The following TRIM23 variants were observed in gnomAD, a reference collection of about 807,000 sequenced individuals.
TRIM23 encodes tripartite motif containing 23.
A neutral mutation model predicts 71.0 loss-of-function variants in TRIM23; 27 were observed. The observed-to-expected ratio is 0.38, with a 90% CI of 0.28 to 0.52. TRIM23 has a LOEUF of 0.52. Ranked by LOEUF, TRIM23 falls within the 20% of genes least tolerant of loss-of-function variation. The pLI, the probability that TRIM23 is intolerant of heterozygous loss-of-function variation, is 0.84. For missense variants in TRIM23, 482 were observed against 692.3 expected, an observed-to-expected ratio of 0.70 and a Z score of 3.41; for synonymous variants, 234 against 238.0, an observed-to-expected ratio of 0.98 and a Z score of 0.16.
intron 3 of TRIM23, among the ~76,000 whole-genome samples, chr5:65,612,952 T>C (rs1754690587): frequency 6.6e-6 from 1 of 152,120 alleles, no homozygotes; most frequent in African/African-American, 2.4e-5. Flanking sequence ...AAATTACATG[T>C]CAGATAATCA....
chr5:65,604,329 A>G (rs1754438881), intron 7 of TRIM23, among the ~76,000 whole-genome samples: 1 of 152,100 alleles, frequency 6.6e-6, no homozygotes, highest in African/African-American at 2.4e-5. Context: ...TCCTGAACTC[A>G]GGTGATCCAC....
intron 7 of TRIM23, among the ~76,000 whole-genome samples, chr5:65,599,369 C>T (rs550625138): frequency 1.3e-5 from 2 of 152,228 alleles, no homozygotes; most frequent in South Asian, 2.1e-4. Flanking sequence ...AGAAGTTTCT[C>T]TGAACATGTA....
chr5:65,621,365 A>C (rs1754941176), intron 1 of TRIM23, among the ~76,000 whole-genome samples: 1 of 152,208 alleles, frequency 6.6e-6, no homozygotes, highest in African/African-American at 2.4e-5. Flanking sequence ...AATTCACAAT[A>C]GAATTTGATA....
chr5:65,614,208 C>A lies in TRIM23; in HGVS notation c.256G>T (p.Val86Phe), dbSNP rs1311404775. ...GCAAAATTTTTTTTCAATCCCCAGA[C>A]ACCTGAATCACCTAGAATAAATATA... is the stretch of plus-strand genomic sequence containing the variant. ...RQVTDLGDSG[V>F]WGLKKNFALL... is the part of the protein sequence containing the mutation. Residue 86 changes from valine (V) to phenylalanine (F), a missense_variant, in exon 3 of 11, where the codon GTC becomes TTC. Physicochemically the swap from Val to Phe is conservative, Grantham distance 50. This residue lies in a region of TRIM23 where 175 missense variants were observed against 196.5 expected (regional missense o/e 0.89). Transcript: ENST00000231524. 6.2e-7 allele frequency: 1 copy of A among 1,613,152 alleles called. No individual in the cohort carries two copies. The highest frequency in any genetic ancestry group is 1.7e-5 in the Admixed American group (1 of 59,990).
intron 1 of TRIM23, among the ~76,000 whole-genome samples, chr5:65,622,252 G>A (rs1387540291): frequency 1.6e-4 from 25 of 152,078 alleles, no homozygotes; most frequent in Admixed American, 3.3e-4. Flanking sequence ...TGCAACCTCC[G>A]CCTCCTGGGT....
chr5:65,611,156 G>T, intron 4 of TRIM23, 113 bp from the exon 5 acceptor site: 2 of 941,494 alleles, frequency 2.1e-6, no homozygotes, highest in South Asian at 2.0e-5. Flanking sequence ...TGACTTTTAT[G>T]ACACAGAAAA....
intron 3 of TRIM23, 70 bp downstream of exon 3, chr5:65,614,028 G>A: frequency 6.3e-7 from 1 of 1,581,070 alleles, no homozygotes; most frequent in South Asian, 1.2e-5. Context: ...GTAATATTGT[G>A]CTAATAATGG....
chr5:65,619,340 C>A (rs1021456511), intron 1 of TRIM23, among the ~76,000 whole-genome samples: 1 of 152,202 alleles, frequency 6.6e-6, no homozygotes, highest in African/African-American at 2.4e-5. Context: ...CACTTTAATA[C>A]CTTGGTCTTT....
chr5:65,594,673 AAAT>A, intron 9 of TRIM23, 28 bp from the exon 10 acceptor site: 1 of 1,530,688 alleles, frequency 6.5e-7, no homozygotes, highest in Non-Finnish European at 8.8e-7. Context: ...AAAAAAACAA[AAAT>A]AGTCACTTGC....
chr5:65,593,031 A>C (rs1754088091), intron 10 of TRIM23, among the ~76,000 whole-genome samples: 1 of 151,216 alleles, frequency 6.6e-6, no homozygotes, highest in African/African-American at 2.4e-5. Context: ...TCTGTAGGAT[A>C]ACCTTTGGAT....
At chr5:65,607,860 T>C (rs1168336402) in intron 6 of TRIM23, among the ~76,000 whole-genome samples, 1 of 152,190 alleles carries the variant, frequency 6.6e-6, no homozygotes, top group Non-Finnish European at 1.5e-5. Flanking sequence ...TCTTTCTATC[T>C]AGATGCAAAG....
chr5:65,595,321 G>A (rs1027893974), intron 9 of TRIM23, among the ~76,000 whole-genome samples: 25 of 152,050 alleles, frequency 1.6e-4, no homozygotes, highest in African/African-American at 5.8e-4. Context: ...ACTTTGGGAG[G>A]CCAAGACGGG....
At chr5:65,620,213 T>C (rs1381726205) in intron 1 of TRIM23, among the ~76,000 whole-genome samples, 1 of 152,208 alleles carries the variant, frequency 6.6e-6, no homozygotes. Flanking sequence ...ACATTACTAA[T>C]TGCTATGAAA....
At chr5:65,622,478 G>A (rs1754972347) in intron 1 of TRIM23, among the ~76,000 whole-genome samples, 1 of 152,174 alleles carries the variant, frequency 6.6e-6, no homozygotes, top group Non-Finnish European at 1.5e-5. Context: ...ACCGCGCCTA[G>A]CCACAATATC....
rs965021949 is a variant in TRIM23 at position 65,591,692 on chromosome 5, A to T, written c.*77T>A. 11 of 1,355,818 alleles carry T rather than the reference A, an allele frequency of 8.1e-6. No individual in the cohort carries two copies. In the Admixed American group the frequency reaches 1.2e-4, roughly 15 times the overall value. The allele number at this position is 1,355,818 out of a possible 1,614,324, so 84.0% of individuals were successfully genotyped here. ...GCATCCTAAATTACCATCTTTTGAG[A>T]TGTATAATTTCTTAAAACATACTAT... On this transcript the variant is annotated 3_prime_UTR_variant, in exon 11 of 11. Coordinates refer to ENST00000231524, the MANE Select transcript of TRIM23 (RefSeq NM_001656.4).
Position 65,591,472 on chromosome 5 carries a change from C to G in TRIM23, c.*297G>C. 2 of 1,591,658 alleles carry G rather than the reference C, an allele frequency of 1.3e-6. No homozygotes were observed. The highest frequency in any genetic ancestry group is 1.7e-6 in the Non-Finnish European group (2 of 1,170,716). ...CCCTTTCTCTGTGACTACCTCTTTC[C>G]CAGTATATTGGTCACATATTATCTG... is the stretch of plus-strand genomic sequence containing the variant. On this transcript the variant is annotated 3_prime_UTR_variant, in exon 11 of 11. Transcript: ENST00000231524.
Position 65,590,934 on chromosome 5 carries a change from G to A in TRIM23, c.*835C>T. ...TTTACCTATAGTCATTCCCACAAAG[G>A]ATGCAATATTATATTAGAAAGAAAT... On this transcript the variant is annotated 3_prime_UTR_variant, in exon 11 of 11. Coordinates refer to ENST00000231524, the MANE Select transcript of TRIM23 (RefSeq NM_001656.4). 1.0e-6 allele frequency: 1 copy of A among 984,794 alleles called. No homozygotes were observed. The highest frequency in any genetic ancestry group is 1.2e-6 in the Non-Finnish European group (1 of 829,460). 61.0% of individuals were successfully genotyped at this position (984,794 alleles called of 1,614,324 possible).
intron 7 of TRIM23, among the ~76,000 whole-genome samples, chr5:65,602,796 T>C (rs1430520781): frequency 6.6e-6 from 1 of 152,096 alleles, no homozygotes; most frequent in Non-Finnish European, 1.5e-5. Context: ...AATAAGCCCA[T>C]TAGCTCTCAT....
chr5:65,593,400 ACTCCAGC>A (rs1228646506), intron 10 of TRIM23, among the ~76,000 whole-genome samples: 3 of 152,136 alleles, frequency 2.0e-5, no homozygotes, highest in African/African-American at 7.2e-5. Flanking sequence ...GTGCCACTGC[ACTCCAGC>A]CTGGTGACAG....
Sources: gnomAD v4.1 joint callset for allele counts (sites outside exome capture counted in the v4.1 genomes callset) on GRCh38, gnomAD v4.1.1 for gene constraint, gnomAD v4.1.1 regional missense constraint, MANE v1.5 for transcripts, NCBI Gene and HGNC (gene_info 2026-07-23, HGNC 2026-07-21) for gene names.